UBE2E3: variants seen among roughly 807,000 people sequenced by gnomAD.
UBE2E3 encodes the protein ubiquitin conjugating enzyme E2 E3.
UBE2E3 carries 5 observed loss-of-function variants against 23.6 expected under a neutral mutation model. That is an observed-to-expected ratio of 0.21 (90% CI 0.11 to 0.44). The LOEUF (loss-of-function observed/expected upper bound fraction) is 0.44, where lower values mean the gene tolerates loss of function less well. Among genes scored for constraint, UBE2E3 ranks in the 20% least tolerant of loss-of-function variants. UBE2E3 has a pLI of 0.99. For missense variants in UBE2E3, 81 were observed against 249.8 expected (o/e 0.32, Z 4.55); for synonymous variants, 78 against 87.5 (o/e 0.89, Z 0.60).
intron 3 of UBE2E3, among the ~76,000 whole-genome samples, chr2:180,997,574 G>C (rs1460774300): frequency 6.6e-6 from 1 of 151,948 alleles, no homozygotes; most frequent in Non-Finnish European, 1.5e-5. Context: ...ATGCCACATT[G>C]TATCACAGCT....
At chr2:181,002,210 A>G (rs1214774381) in intron 3 of UBE2E3, among the ~76,000 whole-genome samples, 1 of 152,226 alleles carries the variant, frequency 6.6e-6, no homozygotes, top group Non-Finnish European at 1.5e-5. Flanking sequence ...CTGAAAATGT[A>G]TGCATATCAC....
chr2:180,995,740 T>A (rs1282198932), intron 3 of UBE2E3, among the ~76,000 whole-genome samples: 1 of 139,814 alleles, frequency 7.2e-6, no homozygotes, highest in Non-Finnish European at 1.5e-5. Context: ...TCAGGCTGGA[T>A]TTTTTTTTTT....
intron 3 of UBE2E3, among the ~76,000 whole-genome samples, chr2:181,006,124 G>A (rs1559118650): frequency 6.6e-6 from 1 of 152,192 alleles, no homozygotes; most frequent in Admixed American, 6.5e-5. Flanking sequence ...TACTCTGACA[G>A]CAAGGCAGAA....
At chr2:181,024,976 T>A (rs1685838151) in intron 3 of UBE2E3, among the ~76,000 whole-genome samples, 1 of 152,036 alleles carries the variant, frequency 6.6e-6, no homozygotes, top group Non-Finnish European at 1.5e-5. Context: ...ACTTTTATGA[T>A]CTGTTTTGAC....
intron 2 of UBE2E3, among the ~76,000 whole-genome samples, chr2:180,983,335 T>C (rs2105562370): frequency 6.6e-6 from 1 of 152,318 alleles, no homozygotes; most frequent in East Asian, 1.9e-4. Context: ...TTTGGTATAG[T>C]GTTGATGCGG....
intron 3 of UBE2E3, among the ~76,000 whole-genome samples, chr2:181,045,130 TA>T (rs1686632141): frequency 1.3e-5 from 2 of 152,172 alleles, no homozygotes; most frequent in South Asian, 4.1e-4. Flanking sequence ...TAAACTGTCA[TA>T]ATCTACTTTT....
intron 3 of UBE2E3, among the ~76,000 whole-genome samples, chr2:181,017,933 C>A (rs904225965): frequency 2.4e-4 from 36 of 151,422 alleles, no homozygotes; most frequent in African/African-American, 8.0e-4. Flanking sequence ...CATCATCTTC[C>A]AGCTCAGTCT....
At chr2:180,983,453 C>G (rs1574151479) in intron 2 of UBE2E3, among the ~76,000 whole-genome samples, 1 of 152,278 alleles carries the variant, frequency 6.6e-6, no homozygotes, top group African/African-American at 2.4e-5. Context: ...TCCTCTTTCT[C>G]TCAATGTTTA....
chr2:181,003,307 C>T (rs1000219161), intron 3 of UBE2E3, among the ~76,000 whole-genome samples: 3 of 152,186 alleles, frequency 2.0e-5, no homozygotes, highest in Non-Finnish European at 4.4e-5. Context: ...GTATTTCTAA[C>T]TGCTTTATCA....
intron 3 of UBE2E3, among the ~76,000 whole-genome samples, chr2:180,985,406 T>C (rs1295616156): frequency 6.6e-6 from 1 of 152,154 alleles, no homozygotes; most frequent in Non-Finnish European, 1.5e-5. Context: ...AACAAAAGGA[T>C]GTATAATACT....
chr2:181,029,289 T>C (rs1488929157), intron 3 of UBE2E3, among the ~76,000 whole-genome samples: 1 of 152,150 alleles, frequency 6.6e-6, no homozygotes, highest in Non-Finnish European at 1.5e-5. Context: ...GCCTGACGCA[T>C]TCATATAAAA....
intron 3 of UBE2E3, among the ~76,000 whole-genome samples, chr2:180,991,481 A>G (rs60753078): frequency 0.018 from 2,737 of 152,310 alleles, 66 homozygotes; most frequent in African/African-American, 0.062. Context: ...GCAGTAGTCT[A>G]TAACCGATTT....
intron 4 of UBE2E3, among the ~76,000 whole-genome samples, chr2:181,060,327 T>G (rs1389091391): frequency 6.6e-6 from 1 of 151,738 alleles, no homozygotes; most frequent in Non-Finnish European, 1.5e-5. Context: ...CTTCCTCACT[T>G]TCTGTCTTTC....
intron 3 of UBE2E3, among the ~76,000 whole-genome samples, chr2:181,029,135 G>A (rs796361112): frequency 4.2e-4 from 64 of 151,748 alleles, no homozygotes; most frequent in African/African-American, 1.5e-3. Flanking sequence ...TTCTTTTTTT[G>A]CCTAGTTCTG....
chr2:181,040,358 G>A (rs543996351), intron 3 of UBE2E3, among the ~76,000 whole-genome samples: 2 of 152,228 alleles, frequency 1.3e-5, no homozygotes, highest in South Asian at 4.1e-4. Context: ...TCAATTAGAT[G>A]TCATTTATTT....
At chr2:181,012,302 TTTGTC>T (rs1468473482) in intron 3 of UBE2E3, among the ~76,000 whole-genome samples, 3 of 152,214 alleles carry the variant, frequency 2.0e-5, no homozygotes, top group Non-Finnish European at 4.4e-5. Context: ...AAGCAAATAT[TTTGTC>T]TTATGCAGTT....
At chr2:180,994,321 A>G (rs1010074505) in intron 3 of UBE2E3, among the ~76,000 whole-genome samples, 2 of 152,110 alleles carry the variant, frequency 1.3e-5, no homozygotes, top group African/African-American at 4.8e-5. Flanking sequence ...GAACCCCCAT[A>G]TATATAACCT....
At chr2:181,027,325 T>G (rs1685927090) in intron 3 of UBE2E3, among the ~76,000 whole-genome samples, 1 of 151,910 alleles carries the variant, frequency 6.6e-6, no homozygotes. Flanking sequence ...CTTTTTGCTT[T>G]TCTGTATAAG....
upstream of UBE2E3, chr2:180,980,519 G>A (rs1005532588): frequency 6.7e-5 from 10 of 148,196 alleles, no homozygotes; most frequent in South Asian, 1.7e-3. This position sits in a 1 kb window ranked among gnomAD's most constrained non-coding sequence, Gnocchi z 5.5. Flanking sequence ...CGCCCGCCGG[G>A]CGTCGGCGGC....
Sources: allele counts gnomAD v4.1 joint callset (sites outside exome capture counted in the v4.1 genomes callset), GRCh38; gene constraint gnomAD v4.1.1; non-coding constraint Gnocchi (gnomAD v3.1); transcripts MANE v1.5; gene names NCBI Gene and HGNC (gene_info 2026-07-23, HGNC 2026-07-21).